NEK11: variants seen among roughly 807,000 people sequenced by gnomAD.
NEK11 encodes NIMA related kinase 11.
NEK11 carries 72 observed loss-of-function variants against 80.7 expected under a neutral mutation model. The observed-to-expected ratio is 0.89, with a 90% CI of 0.74 to 1.08. NEK11 has a LOEUF of 1.08. NEK11 is among the 50% of genes least tolerant of loss of function. The pLI is 0.00. For synonymous variants in NEK11, 251 were observed against 260.7 expected (o/e 0.96, Z 0.36); for missense variants, 764 against 763.6 (o/e 1.00, Z -0.01).
At chr3:131,203,173 TC>T (rs1458529445) in intron 14 of NEK11, among the ~76,000 whole-genome samples, 1 of 152,104 alleles carries the variant, frequency 6.6e-6, no homozygotes, top group African/African-American at 2.4e-5. Flanking sequence ...ACACTTGGAA[TC>T]AACCCAAATG....
At chr3:131,034,966 C>T (rs2065430413) in intron 3 of NEK11, among the ~76,000 whole-genome samples, 1 of 152,202 alleles carries the variant, frequency 6.6e-6, no homozygotes, top group African/African-American at 2.4e-5. Flanking sequence ...TATCCAAGTG[C>T]GTATCCAAAT....
At chr3:131,349,531 G>A (rs1336555951) in intron 17 of NEK11, 26 bp from the exon 18 acceptor site, 2 of 1,584,316 alleles carry the variant, frequency 1.3e-6, no homozygotes, top group Non-Finnish European at 1.7e-6. Flanking sequence ...GTAACTCTTT[G>A]TAATCTTTTG....
chr3:131,239,814 T>TTTCATTCA (rs139825448), intron 15 of NEK11, among the ~76,000 whole-genome samples: 2,972 of 151,964 alleles, frequency 0.02, 40 homozygotes, highest in East Asian at 0.077. Flanking sequence ...GCTAGGTAGC[T>TTTCATTCA]TTCATTCATT....
intron 17 of NEK11, among the ~76,000 whole-genome samples, chr3:131,344,771 G>A (rs2097336814): frequency 6.6e-6 from 1 of 152,104 alleles, no homozygotes; most frequent in African/African-American, 2.4e-5. Context: ...GCAAGAGAGA[G>A]AGTGGGGAGG....
Position 131,155,053 on chromosome 3 carries a change from T to C in NEK11, c.894T>C (p.Tyr298=). Residue 298 remains tyrosine, a synonymous_variant, in exon 10 of 18, where the codon TAT becomes TAC. Coordinates refer to ENST00000383366, the MANE Select transcript of NEK11 (RefSeq NM_024800.5). ...TTTTTCAGAACCTAATGTGTAGATATTCAGAAATGACTCTGGAAGACAAAA... is the reference window on the plus strand; with the variant it reads ...TTTTTCAGAACCTAATGTGTAGATACTCAGAAATGACTCTGGAAGACAAAA... ...DEQLQNLMCR[Y]SEMTLEDKNL... 6.2e-7 allele frequency: 1 copy of C among 1,608,876 alleles called. No homozygotes were observed. The highest frequency in any genetic ancestry group is 1.7e-5 in the Admixed American group (1 of 60,010).
chr3:131,253,100 G>A (rs950651570), intron 16 of NEK11, among the ~76,000 whole-genome samples: 3 of 152,092 alleles, frequency 2.0e-5, no homozygotes, highest in Admixed American at 1.3e-4. Context: ...GGCATTTAGA[G>A]AGCTCATGAA....
chr3:131,296,936 T>A (rs1181736060), intron 17 of NEK11, among the ~76,000 whole-genome samples: 4 of 152,128 alleles, frequency 2.6e-5, no homozygotes, highest in Non-Finnish European at 4.4e-5. Flanking sequence ...CTTGCGATAG[T>A]TTACTGAGAA....
intron 5 of NEK11, among the ~76,000 whole-genome samples, chr3:131,114,670 A>G (rs2080740055): frequency 6.6e-6 from 1 of 152,178 alleles, no homozygotes; most frequent in African/African-American, 2.4e-5. Flanking sequence ...TCTTCCTCCC[A>G]AAGGGACCCC....
At chr3:131,174,949 C>G in intron 14 of NEK11, 1 of 1,410,218 alleles carries the variant, frequency 7.1e-7, no homozygotes, top group Non-Finnish European at 9.2e-7. Context: ...ATTTCCTGTT[C>G]AGCCACTCTT....
intron 14 of NEK11, among the ~76,000 whole-genome samples, chr3:131,177,005 G>A (rs2150125027): frequency 6.6e-6 from 1 of 152,274 alleles, no homozygotes; most frequent in African/African-American, 2.4e-5. Context: ...ATAGCTTTAA[G>A]GTTGGATAGA....
intron 3 of NEK11, among the ~76,000 whole-genome samples, chr3:131,062,648 G>A (rs146503928): frequency 1.4e-4 from 22 of 152,264 alleles, no homozygotes; most frequent in Middle Eastern, 3.4e-3. Flanking sequence ...CTTTTCTAGC[G>A]TTTTGAATAA....
At chr3:131,301,801 G>C (rs907559633) in intron 17 of NEK11, among the ~76,000 whole-genome samples, 4 of 151,860 alleles carry the variant, frequency 2.6e-5, no homozygotes, top group African/African-American at 9.7e-5. Context: ...CTGGATTTTT[G>C]CATCTATGTT....
intron 12 of NEK11, among the ~76,000 whole-genome samples, chr3:131,167,103 T>G (rs949648551): frequency 1.3e-5 from 2 of 152,196 alleles, no homozygotes; most frequent in African/African-American, 4.8e-5. Context: ...GATGTTGTAT[T>G]TCTTATAAGT....
chr3:131,242,505 G>T (rs2095534885), intron 15 of NEK11, among the ~76,000 whole-genome samples: 4 of 152,110 alleles, frequency 2.6e-5, no homozygotes. Flanking sequence ...CCAATCAGCA[G>T]CATAATTCTC....
At chr3:131,268,245 T>C (rs1312128214) in intron 16 of NEK11, among the ~76,000 whole-genome samples, 1 of 152,204 alleles carries the variant, frequency 6.6e-6, no homozygotes, top group East Asian at 1.9e-4. Flanking sequence ...AGTTTGTTAT[T>C]ACCCACCTTC....
intron 3 of NEK11, among the ~76,000 whole-genome samples, chr3:131,074,024 C>T (rs574188548): frequency 6.6e-6 from 1 of 152,322 alleles, no homozygotes; most frequent in East Asian, 1.9e-4. Flanking sequence ...ATGTTCTACA[C>T]TAGCTCCCAG....
At chr3:131,069,333 T>C (rs1013568969) in intron 3 of NEK11, among the ~76,000 whole-genome samples, 2 of 152,180 alleles carry the variant, frequency 1.3e-5, no homozygotes, top group Admixed American at 6.5e-5. Context: ...CACTGAAATC[T>C]GCAATTCTTG....
rs752450419 is a variant in NEK11, at chr3:131,109,767, CT to C, written c.337-35del. On this transcript the variant is annotated intron_variant, in intron 4 of 17. Transcript: ENST00000383366. ...AGTGAACTTGATTTTAACATATTAGCTGAAAAAATATGAAAGATTATGCTCT... is the reference window on the plus strand; with the variant it reads ...AGTGAACTTGATTTTAACATATTAGCGAAAAAATATGAAAGATTATGCTCT... 5.2e-6 allele frequency: 8 copies of C among 1,547,168 alleles called. No individual in the cohort carries two copies. The South Asian group carries it at 1.0e-4, about 19-fold the overall frequency.
intron 5 of NEK11, among the ~76,000 whole-genome samples, chr3:131,116,207 T>C (rs1019547628): frequency 6.6e-6 from 1 of 151,966 alleles, no homozygotes; most frequent in African/African-American, 2.4e-5. Flanking sequence ...TTCTCACCTA[T>C]GAGTGAGAAC....
Sources: allele counts gnomAD v4.1 joint callset (sites outside exome capture counted in the v4.1 genomes callset), GRCh38; gene constraint gnomAD v4.1.1; transcripts MANE v1.5; gene names NCBI Gene and HGNC (gene_info 2026-07-23, HGNC 2026-07-21).